Variants in ARID3A observed in about 807,000 individuals in gnomAD.
ARID3A encodes the protein AT-rich interactive domain-containing protein 3A.
Under a neutral mutation model 52.7 loss-of-function variants are expected in ARID3A, and 11 were observed. The observed-to-expected ratio is 0.21, with a 90% confidence interval of 0.13 to 0.35. The LOEUF (loss-of-function observed/expected upper bound fraction) is 0.35. Ranked by LOEUF, ARID3A falls within the 10% of genes least tolerant of loss-of-function variation. ARID3A has a pLI of 1.00. For missense variants in ARID3A, 721 were observed against 838.5 expected, an observed-to-expected ratio of 0.86 and a Z score of 1.73; for synonymous variants, 404 against 359.4, an observed-to-expected ratio of 1.12 and a Z score of -1.40.
intron 3 of ARID3A, among the ~76,000 whole-genome samples, chr19:932,964 G>A (rs981678776): frequency 1.3e-5 from 2 of 152,216 alleles, no homozygotes; most frequent in African/African-American, 2.4e-5. Flanking sequence ...CACCCGGCCG[G>A]GTAGGAGAAA....
At chr19:962,609 G>T (rs2038066707) in intron 4 of ARID3A, among the ~76,000 whole-genome samples, 1 of 147,352 alleles carries the variant, frequency 6.8e-6, no homozygotes, top group Admixed American at 7.0e-5. Flanking sequence ...CCACCTCCCA[G>T]GTTCAAGTGA....
rs1335792566 is a variant in ARID3A, at chr19:938,836, A to G, written c.693+6094A>G. ...GAGTGAAGCGAGACCCCAGCAAGAA[A>G]CGGGCATCCGGTTTTTGGTCTTTTT... On this transcript the variant is annotated intron_variant, in intron 3 of 8. Transcript: ENST00000263620. This position sits in a 1 kb window ranked among gnomAD's most constrained non-coding sequence, Gnocchi z 4.0. 6.6e-6 allele frequency among the ~76,000 whole-genome samples: 1 copy of G among 151,160 alleles called. No individual in the cohort carries two copies. Among genetic ancestry groups the G allele is most frequent in the Non-Finnish European group, 1.5e-5 (1 of 67,860 alleles).
chr19:935,562 C>T (rs1232043866), intron 3 of ARID3A, among the ~76,000 whole-genome samples: 1 of 152,166 alleles, frequency 6.6e-6, no homozygotes, highest in Non-Finnish European at 1.5e-5. Flanking sequence ...ACTGCAGCCT[C>T]GATCTCCTGG....
chr19:952,162 A>C lies in ARID3A; in HGVS notation c.694-7930A>C, dbSNP rs182478296. ...TCTCAAAACAAAAACAAAGTGTCTCAGGCTGGGCGTGGTGGTTCATGCCCA... is the reference window on the plus strand; with the variant it reads ...TCTCAAAACAAAAACAAAGTGTCTCCGGCTGGGCGTGGTGGTTCATGCCCA... On this transcript the variant is annotated intron_variant, in intron 3 of 8. Coordinates refer to ENST00000263620, the MANE Select transcript of ARID3A (RefSeq NM_005224.3). Among the ~76,000 whole-genome samples, 12 of 152,026 alleles carry C rather than the reference A, an allele frequency of 7.9e-5. No individual in the cohort carries two copies. The East Asian group carries it at 2.3e-3, about 30-fold the overall frequency.
rs183621037 is a variant in ARID3A, at chr19:959,225, G to A, written c.694-867G>A. Among the ~76,000 whole-genome samples, 2 of 152,216 alleles carry A rather than the reference G, an allele frequency of 1.3e-5. No individual in the cohort carries two copies. The highest frequency in any genetic ancestry group is 2.9e-5 in the Non-Finnish European group (2 of 68,046). On this transcript the variant is annotated intron_variant, in intron 3 of 8. Transcript: ENST00000263620. This position sits in a 1 kb window ranked among gnomAD's most constrained non-coding sequence, Gnocchi z 5.0. ...CCCAGAAGCCGTGAGAGGCAGGAAG[G>A]TTCCTCCCTTGGAGACTTCGGAGGG...
chr19:952,174 G>GA (rs1359701846), intron 3 of ARID3A, among the ~76,000 whole-genome samples: 2 of 151,890 alleles, frequency 1.3e-5, no homozygotes, highest in African/African-American at 4.8e-5. Flanking sequence ...GCTGGGCGTG[G>GA]TGGTTCATGC....
intron 6 of ARID3A, 73 bp from the exon 7 acceptor site, chr19:966,499 G>GC (rs2038159390): frequency 8.4e-7 from 1 of 1,186,472 alleles, no homozygotes; most frequent in Non-Finnish European, 1.2e-6. Context: ...AAAAGAAGGT[G>GC]CATGTTCCTG....
rs1439180252 is a variant in ARID3A, at chr19:960,708, C to G, written c.766+544C>G. Among the ~76,000 whole-genome samples, 1 of 152,172 alleles carries G rather than the reference C, an allele frequency of 6.6e-6. No individual in the cohort carries two copies. The highest frequency in any genetic ancestry group is 1.5e-5 in the Non-Finnish European group (1 of 68,026). On this transcript the variant is annotated intron_variant, in intron 4 of 8. Coordinates refer to ENST00000263620, the MANE Select transcript of ARID3A (RefSeq NM_005224.3). The surrounding 1 kb of genome is among the most constrained non-coding windows in gnomAD (Gnocchi z 4.3). ...TTTCCCCATCTGTAAAAACGGGCCA[C>G]AAACAGTCCCTGCCCAAAACTCAGT...
At chr19:940,815 G>A (rs929086013) in intron 3 of ARID3A, among the ~76,000 whole-genome samples, 3 of 152,054 alleles carry the variant, frequency 2.0e-5, no homozygotes, top group African/African-American at 7.2e-5. Context: ...GAGGGCTGTC[G>A]GGAAGCCCCC....
At chr19:931,112 A>ACACG (rs2037318105) in intron 2 of ARID3A, among the ~76,000 whole-genome samples, 1 of 151,712 alleles carries the variant, frequency 6.6e-6, no homozygotes, top group South Asian at 2.1e-4. Flanking sequence ...TGGGCAACCT[A>ACACG]GTGAGGCCCC....
intron 8 of ARID3A, among the ~76,000 whole-genome samples, chr19:970,695 G>A (rs1185316937): frequency 6.6e-6 from 1 of 151,700 alleles, no homozygotes. Flanking sequence ...GGCTGGTCTC[G>A]AACTCCTGAC....
At position 973,463 on chromosome 19, in the gene ARID3A, G is replaced by A. The variant is rs935697671; in HGVS notation, c.*1398G>A. Reference sequence around the variant, plus strand: ...TAGCAAGTGCTGGAAAAAGGGCCTGGGGGGCGGGGGTGGTTCTTGTCGAAG... The same window carrying A: ...TAGCAAGTGCTGGAAAAAGGGCCTGAGGGGCGGGGGTGGTTCTTGTCGAAG... On this transcript the variant is annotated 3_prime_UTR_variant, in exon 9 of 9. Coordinates refer to ENST00000263620, the MANE Select transcript of ARID3A (RefSeq NM_005224.3). 6 of 211,700 alleles carry A rather than the reference G, an allele frequency of 2.8e-5. No homozygotes were observed. The highest frequency in any genetic ancestry group is 1.5e-3 in the Middle Eastern group (1 of 680). 13.1% of individuals were successfully genotyped at this position (211,700 alleles called of 1,614,324 possible).
chr19:940,343 G>C (rs1205552370), intron 3 of ARID3A, among the ~76,000 whole-genome samples: 8 of 151,984 alleles, frequency 5.3e-5, no homozygotes, highest in Admixed American at 4.6e-4. Context: ...AGAAATGTAC[G>C]CGTTTGCACT....
In ARID3A at chr19:941,169, G is replaced by A. The variant is rs1006225290; in HGVS notation, c.693+8427G>A. On this transcript the variant is annotated intron_variant, in intron 3 of 8. Coordinates refer to ENST00000263620, the MANE Select transcript of ARID3A (RefSeq NM_005224.3). The surrounding 1 kb of genome is among the most constrained non-coding windows in gnomAD (Gnocchi z 6.9). ...AACACACGCGGCAGCCCGAGGGAGC[G>A]GTGCCCGCAGGCAGAGAGTGTCCCC... is the stretch of plus-strand genomic sequence containing the variant. Among the ~76,000 whole-genome samples, 8 of 152,246 alleles carry A rather than the reference G, an allele frequency of 5.3e-5. No homozygotes were observed. The highest frequency in any genetic ancestry group is 2.1e-4 in the South Asian group (1 of 4,838).
chr19:940,342 C>T (rs552257094), intron 3 of ARID3A, among the ~76,000 whole-genome samples: 1 of 151,880 alleles, frequency 6.6e-6, no homozygotes, highest in Non-Finnish European at 1.5e-5. Flanking sequence ...AAGAAATGTA[C>T]GCGTTTGCAC....
chr19:953,209 C>T (rs1195807224), intron 3 of ARID3A, among the ~76,000 whole-genome samples: 11 of 152,162 alleles, frequency 7.2e-5, no homozygotes, highest in African/African-American at 1.4e-4. Context: ...GCACCCTGTC[C>T]GCCAGCAGAC....
chr19:929,676 G>C lies in ARID3A; in HGVS notation c.148G>C (p.Glu50Gln). ...TGCCCCCGACGAGGACAGAGAGCCC[G>C]AGAGTGCCCGGATGCAGCGGGCTCA... Reference protein sequence around the residue: ...RAAPDEDREPESARMQRAQMA... With the variant: ...RAAPDEDREPQSARMQRAQMA... The change falls in exon 2 of 9, where the codon GAG (glutamate) becomes CAG (glutamine). Residue 50 changes from glutamate to glutamine, a missense_variant. Physicochemically the swap from Glu to Gln is conservative, Grantham distance 29 (BLOSUM62 2). Transcript: ENST00000263620. The surrounding 1 kb of genome is among the most constrained non-coding windows in gnomAD (Gnocchi z 6.2). 1 of 1,556,068 alleles carries C rather than the reference G, an allele frequency of 6.4e-7. No homozygotes were observed. Among genetic ancestry groups the C allele is most frequent in the Non-Finnish European group, 8.6e-7 (1 of 1,159,154 alleles).
intron 3 of ARID3A, among the ~76,000 whole-genome samples, chr19:939,350 C>G (rs1286712827): frequency 6.6e-6 from 1 of 152,126 alleles, no homozygotes; most frequent in African/African-American, 2.4e-5. Context: ...TATTCCTGAC[C>G]TCGTGATCTG....
chr19:927,733 G>T (rs912139294), intron 1 of ARID3A, among the ~76,000 whole-genome samples: 1 of 152,124 alleles, frequency 6.6e-6, no homozygotes, highest in Non-Finnish European at 1.5e-5. Flanking sequence ...TGGGGGGCTG[G>T]GTGCCGCCCT....
Sources: gnomAD v4.1 joint callset for allele counts (sites outside exome capture counted in the v4.1 genomes callset) on GRCh38, gnomAD v4.1.1 for gene constraint, Gnocchi (gnomAD v3.1) non-coding constraint, MANE v1.5 for transcripts, NCBI Gene and HGNC (gene_info 2026-07-23, HGNC 2026-07-21) for gene names.